HTN3: variants seen among roughly 807,000 people sequenced by gnomAD.
HTN3 encodes histatin-3.
Under a neutral mutation model 10.6 loss-of-function variants are expected in HTN3, and 15 were observed. The ratio of observed to expected loss-of-function variants is 1.42; its 90% CI spans 0.95 to 2.18. The LOEUF (loss-of-function observed/expected upper bound fraction) is 2.18. Ranked by LOEUF, HTN3 falls within the 30% of genes most tolerant of loss-of-function variation. HTN3 has a pLI of 0.00. For synonymous variants in HTN3, 15 were observed against 16.9 expected, an observed-to-expected ratio of 0.89 and a Z score of 0.27; for missense variants, 68 against 58.0, an observed-to-expected ratio of 1.17 and a Z score of -0.56.
intron 1 of HTN3, 138 bp from the exon 2 acceptor site, chr4:70,030,590 G>A (rs1424731988): frequency 2.2e-5 from 14 of 650,698 alleles, no homozygotes; most frequent in East Asian, 5.7e-5. Flanking sequence ...GCAGTGATCT[G>A]TGCTCATGCC....
chr4:70,029,981 C>A (rs2109706322), intron 1 of HTN3, among the ~76,000 whole-genome samples: 1 of 152,144 alleles, frequency 6.6e-6, no homozygotes, highest in African/African-American at 2.4e-5. Context: ...AAAGAAAGTC[C>A]CCATTACTTG....
intron 2 of HTN3, 105 bp from the exon 3 acceptor site, chr4:70,031,874 C>T (rs1725389251): frequency 1.0e-5 from 8 of 762,606 alleles, no homozygotes; most frequent in South Asian, 9.8e-5. Context: ...CCAAAGAATG[C>T]CTCCATTCTA....
Position 70,029,155 on chromosome 4 carries a change from G to T in HTN3, c.-14+639G>T, listed in dbSNP as rs968336222. Among the ~76,000 whole-genome samples the T allele has an allele frequency of 1.4e-4, 21 of 151,818 alleles. 1 individual carries two copies. Among genetic ancestry groups the T allele is most frequent in the Non-Finnish European group, 2.8e-4 (19 of 67,914 alleles). On this transcript the variant is annotated intron_variant, in intron 1 of 5. Transcript: ENST00000673563. ...TTTTCAAAACTATTAATTATACATT[G>T]ATTATCTATGTTCATTTATCATTTT...
chr4:70,033,298 G>T, intron 5 of HTN3, 45 bp downstream of exon 5: 1 of 877,204 alleles, frequency 1.1e-6, no homozygotes, highest in South Asian at 1.6e-5. Flanking sequence ...TATCAACACT[G>T]ACAGTTAAAA....
chr4:70,033,746 G>A (rs1578174872), intron 5 of HTN3, among the ~76,000 whole-genome samples: 1 of 152,106 alleles, frequency 6.6e-6, no homozygotes, highest in East Asian at 1.9e-4. Context: ...CCATGAGAAT[G>A]GAATGTTTTT....
At chr4:70,035,766 A>G (rs559505807) in intron 5 of HTN3, among the ~76,000 whole-genome samples, 15 of 152,182 alleles carry the variant, frequency 9.9e-5, no homozygotes, top group Non-Finnish European at 1.9e-4. Flanking sequence ...TTTGGAGATA[A>G]AAGAGTACTG....
At position 70,030,982 on chromosome 4, in the gene HTN3, C is replaced by T. The variant is rs566437700; in HGVS notation, c.51+191C>T. On this transcript the variant is annotated intron_variant, in intron 2 of 5. Coordinates refer to ENST00000673563, the MANE Select transcript of HTN3 (RefSeq NM_000200.3). ...AGAATAAATATTCATTACATACCTGCGAACACTCAAGTACAATTACTTGAA... is the reference window on the plus strand; with the variant it reads ...AGAATAAATATTCATTACATACCTGTGAACACTCAAGTACAATTACTTGAA... The T allele has an allele frequency of 3.8e-4, 182 of 478,628 alleles. 1 individual carries two copies. Among genetic ancestry groups the T allele is most frequent in the Non-Finnish European group, 5.7e-4 (155 of 270,378 alleles). 29.6% of individuals were successfully genotyped at this position (478,628 alleles called of 1,614,324 possible).
intron 4 of HTN3, 127 bp downstream of exon 4, chr4:70,032,234 T>A (rs116486629): frequency 5.6e-6 from 4 of 711,668 alleles, no homozygotes; most frequent in Non-Finnish European, 9.2e-6. Flanking sequence ...GTACATTGAT[T>A]TCATTTATTC....
At chr4:70,033,107 AT>A in intron 4 of HTN3, 59 bp from the exon 5 acceptor site, 1 of 1,253,796 alleles carries the variant, frequency 8.0e-7, no homozygotes, top group Non-Finnish European at 1.1e-6. Flanking sequence ...TTTGTGAAGC[AT>A]TTTTACTGTC....
intron 5 of HTN3, among the ~76,000 whole-genome samples, chr4:70,035,256 T>C (rs943668759): frequency 3.9e-5 from 6 of 152,296 alleles, no homozygotes; most frequent in Non-Finnish European, 7.4e-5. Flanking sequence ...AACCCCTGTG[T>C]TTTTATCCTG....
In HTN3 at chr4:70,033,730, T is replaced by A. The variant is rs182481772; in HGVS notation, c.*33+477T>A. Among the ~76,000 whole-genome samples the A allele has an allele frequency of 3.3e-5, 5 of 152,350 alleles. No homozygotes were observed. The East Asian group carries it at 9.6e-4, about 29-fold the overall frequency. On this transcript the variant is annotated intron_variant, in intron 5 of 5. Coordinates refer to ENST00000673563, the MANE Select transcript of HTN3 (RefSeq NM_000200.3). ...AGGCCATTTTCATGAAATTGATTCT[T>A]CTTATCCATGAGAATGGAATGTTTT... is the stretch of plus-strand genomic sequence containing the variant.
At chr4:70,030,970 A>T (rs1725371070) in intron 2 of HTN3, 179 bp downstream of exon 2, 1 of 532,934 alleles carries the variant, frequency 1.9e-6, no homozygotes. Context: ...ATAAATATTC[A>T]TTACATACCT....
At chr4:70,034,426 C>A (rs1725460324) in intron 5 of HTN3, 1 of 152,192 alleles carries the variant, frequency 6.6e-6, no homozygotes, top group South Asian at 2.1e-4. Context: ...CAGAAGAAGA[C>A]ATTTATGTGG....
chr4:70,035,065 T>G lies in HTN3; in HGVS notation c.*34-1202T>G, dbSNP rs116465391. 7.4e-3 allele frequency among the ~76,000 whole-genome samples: 1,131 copies of G among 152,056 alleles called. 20 individuals are homozygous for G. Among genetic ancestry groups the G allele is most frequent in the African/African-American group, 0.025 (1,049 of 41,508 alleles). On this transcript the variant is annotated intron_variant, in intron 5 of 5. Transcript: ENST00000673563. Reference sequence around the variant, plus strand: ...GGGTAGGAGGTGACAGAAGGTAACATAGAGGGCTGATCAATAGTGCAGCAA... The same window carrying G: ...GGGTAGGAGGTGACAGAAGGTAACAGAGAGGGCTGATCAATAGTGCAGCAA...
In HTN3 at chr4:70,033,234, C is replaced by T. The variant is rs1377806860; in HGVS notation, c.*14C>T. On this transcript the variant is annotated 3_prime_UTR_variant, in exon 5 of 6. Transcript: ENST00000673563. Reference sequence around the variant, plus strand: ...TATGACAATTGATATCTTCAGTAATCACGGGGCATGATTATGGAGGTAAGC... The same window carrying T: ...TATGACAATTGATATCTTCAGTAATTACGGGGCATGATTATGGAGGTAAGC... 2 of 1,541,758 alleles carry T rather than the reference C, an allele frequency of 1.3e-6. No homozygotes were observed. Among genetic ancestry groups the T allele is most frequent in the South Asian group, 2.3e-5 (2 of 87,296 alleles).
At chr4:70,033,311 A>T in intron 5 of HTN3, 58 bp downstream of exon 5, 1 of 811,552 alleles carries the variant, frequency 1.2e-6, no homozygotes. Flanking sequence ...AGTTAAAACA[A>T]GGAAAAATTA....
rs779174509 is a variant in HTN3 at position 70,032,091 on chromosome 4, A to G, written c.86A>G (p.Tyr29Cys). The G allele has an allele frequency of 1.3e-4, 204 of 1,525,842 alleles. No homozygotes were observed. The highest frequency in any genetic ancestry group is 2.3e-4 in the Middle Eastern group (1 of 4,306). The allele number at this position is 1,525,842 out of a possible 1,614,324, so 94.5% of individuals were successfully genotyped here. Residue 29 changes from tyrosine (Y) to cysteine (C), a missense_variant, in exon 4 of 6, where the codon TAT becomes TGT. Physicochemically the swap from Tyr to Cys is radical, Grantham distance 194. Coordinates refer to ENST00000673563, the MANE Select transcript of HTN3 (RefSeq NM_000200.3). ...TTTATTTCATAGAGACATCATGGGT[A>G]TAAAAGAAAATTCCATGTAAGTGTT... ...ADSHAKRHHG[Y>C]KRKFHEKHHS...
chr4:70,031,062 G>A (rs1028795751), intron 2 of HTN3: 57 of 284,638 alleles, frequency 2.0e-4, no homozygotes, highest in African/African-American at 1.1e-3. Context: ...ACTGAGAACT[G>A]TGAAAATATC....
rs1466361287 is a variant in HTN3 at position 70,036,496 on chromosome 4, A to C, written c.*263A>C. On this transcript the variant is annotated 3_prime_UTR_variant, in exon 6 of 6. Coordinates refer to ENST00000673563, the MANE Select transcript of HTN3 (RefSeq NM_000200.3). ...TGCTGTTTCTGAGTAATAGAAATTC[A>C]TTCCTCTCCAAAAGCAATAAAATTC... is the stretch of plus-strand genomic sequence containing the variant. 1 of 152,178 alleles carries C rather than the reference A, an allele frequency of 6.6e-6. No individual in the cohort carries two copies. Among genetic ancestry groups the C allele is most frequent in the Non-Finnish European group, 1.5e-5 (1 of 68,020 alleles). 9.4% of individuals were successfully genotyped at this position (152,178 alleles called of 1,614,324 possible).
Sources: allele counts gnomAD v4.1 joint callset (sites outside exome capture counted in the v4.1 genomes callset), GRCh38; gene constraint gnomAD v4.1.1; transcripts MANE v1.5; gene names NCBI Gene and HGNC (gene_info 2026-07-23, HGNC 2026-07-21).